Variants in LAMB4 observed in about 807,000 individuals in gnomAD.
LAMB4 encodes the protein laminin subunit beta 4, also known as laminin subunit beta-4.
Under a neutral mutation model 199.2 loss-of-function variants are expected in LAMB4, and 196 were observed. The ratio of observed to expected loss-of-function variants is 0.98; its 90% confidence interval spans 0.88 to 1.11. The LOEUF (loss-of-function observed/expected upper bound fraction) is 1.11, where lower values mean the gene tolerates loss of function less well. Among genes scored for constraint, LAMB4 ranks in the 50% least tolerant of loss-of-function variants. LAMB4 has a pLI of 0.00. For synonymous variants in LAMB4, 744 were observed against 770.6 expected, an observed-to-expected ratio of 0.97 and a Z score of 0.57; for missense variants, 2,080 against 2,171.2, an observed-to-expected ratio of 0.96 and a Z score of 0.83.
At chr7:108,123,518 A>T (rs1186830348) in intron 1 of LAMB4, among the ~76,000 whole-genome samples, 1 of 152,220 alleles carries the variant, frequency 6.6e-6, no homozygotes, top group African/African-American at 2.4e-5. Flanking sequence ...TTCTTCTAAA[A>T]ATTACACAGT....
At chr7:108,091,507 A>G (rs2037399817) in intron 14 of LAMB4, 119 bp downstream of exon 14, 1 of 1,150,720 alleles carries the variant, frequency 8.7e-7, no homozygotes, top group Non-Finnish European at 1.2e-6. Flanking sequence ...TCTGATCTGC[A>G]TCTTTGGGCA....
chr7:108,038,414 C>CAG (rs2035304652), intron 29 of LAMB4, among the ~76,000 whole-genome samples: 3 of 152,178 alleles, frequency 2.0e-5, no homozygotes, highest in Non-Finnish European at 2.9e-5. Context: ...ACCCACCTTG[C>CAG]CCTCCCAAAG....
rs555384025 is a variant in LAMB4 at position 108,044,936 on chromosome 7, C to G, written c.4327-1040G>C. On this transcript the variant is annotated intron_variant, in intron 28 of 33. Transcript: ENST00000388781. ...CCATTACACTCCAGCCTGGGCCAGA[C>G]AGAGTGAGATTCTTGTCTCAAAAAA... Among the ~76,000 whole-genome samples, 8 of 111,242 alleles carry G rather than the reference C, an allele frequency of 7.2e-5. No homozygotes were observed. The South Asian group carries it at 2.2e-3, about 31-fold the overall frequency. The allele number at this position is 111,242 out of a possible 152,430, so 73.0% of individuals were successfully genotyped here. A position where few individuals can be genotyped will look rare whatever the true frequency, so the allele number is the denominator to read the frequency against.
chr7:108,105,731 C>T, intron 8 of LAMB4, 86 bp downstream of exon 8: 1 of 1,156,394 alleles, frequency 8.6e-7, no homozygotes, highest in Non-Finnish European at 1.3e-6. Flanking sequence ...TGTTGATCTC[C>T]ATGTGGAGTG....
At chr7:108,087,410 T>G (rs945261703) in intron 14 of LAMB4, among the ~76,000 whole-genome samples, 27 of 152,208 alleles carry the variant, frequency 1.8e-4, no homozygotes, top group African/African-American at 6.3e-4. Context: ...TCCAACATAC[T>G]CATTTGTGCA....
At chr7:108,041,096 G>C (rs1253024755) in intron 29 of LAMB4, among the ~76,000 whole-genome samples, 1 of 152,124 alleles carries the variant, frequency 6.6e-6, no homozygotes, top group Non-Finnish European at 1.5e-5. Context: ...GACATAAACA[G>C]ATACTTTTCA....
chr7:108,049,806 G>A (rs986196416), intron 26 of LAMB4, among the ~76,000 whole-genome samples: 2 of 152,168 alleles, frequency 1.3e-5, no homozygotes, highest in African/African-American at 2.4e-5. Flanking sequence ...ATACCCTTGA[G>A]CAAATCAGTT....
At position 108,063,886 on chromosome 7, in the gene LAMB4, G is replaced by T; in HGVS notation, c.2936C>A (p.Thr979Asn). 3 of 1,614,198 alleles carry T rather than the reference G, an allele frequency of 1.9e-6. No homozygotes were observed. The highest frequency in any genetic ancestry group is 2.5e-6 in the Non-Finnish European group (3 of 1,180,028). ...PCACNNNIDVTDPESCSRVTG... is the reference protein window; with the variant it reads ...PCACNNNIDVNDPESCSRVTG... ...TACCCGGCTGCAGGACTCTGGATCG[G>T]TTACATCTATGTTGTTGTTGCAGGC... Residue 979 changes from threonine (T) to asparagine (N), a missense_variant, in exon 22 of 34, where the codon ACC (threonine) becomes AAC (asparagine). Physicochemically the swap from Thr to Asn is moderately conservative, Grantham distance 65 (BLOSUM62 0). Transcript: ENST00000388781.
intron 4 of LAMB4, among the ~76,000 whole-genome samples, chr7:108,110,266 T>C (rs1215573614): frequency 6.6e-6 from 1 of 152,224 alleles, no homozygotes; most frequent in Non-Finnish European, 1.5e-5. Flanking sequence ...TGAGCTCAAG[T>C]GATCTGCCTA....
intron 12 of LAMB4, among the ~76,000 whole-genome samples, chr7:108,094,902 C>T (rs2150622531): frequency 6.6e-6 from 1 of 151,994 alleles, no homozygotes; most frequent in African/African-American, 2.4e-5. Flanking sequence ...TTCTGGTGGC[C>T]CAAAACATAG....
At chr7:108,025,408 T>TCTTTCTTTC (rs2034801675) in intron 33 of LAMB4, among the ~76,000 whole-genome samples, 1 of 128,282 alleles carries the variant, frequency 7.8e-6, no homozygotes, top group African/African-American at 4.5e-5. Context: ...TTTCTTTCTT[T>TCTTTCTTTC]CTTTCTTTCT....
At chr7:108,055,402 G>C (rs547095740) in intron 25 of LAMB4, among the ~76,000 whole-genome samples, 81 of 152,244 alleles carry the variant, frequency 5.3e-4, no homozygotes, top group Non-Finnish European at 1.1e-3. Flanking sequence ...GGCCAGGCTG[G>C]TGTAGAACTC....
At chr7:108,023,517 G>A (rs2034735397), downstream of LAMB4, 1 of 152,208 alleles carries the variant, frequency 6.6e-6, no homozygotes, top group African/African-American at 2.4e-5. Flanking sequence ...GGCTGAGAAT[G>A]ACCATGTAGG....
intron 31 of LAMB4, among the ~76,000 whole-genome samples, chr7:108,033,400 T>C (rs2035108838): frequency 6.6e-6 from 1 of 152,140 alleles, no homozygotes; most frequent in Non-Finnish European, 1.5e-5. Flanking sequence ...TACTTCTTGT[T>C]CTGTTGCTTT....
At chr7:108,117,041 G>T (rs1368398999) in intron 2 of LAMB4, among the ~76,000 whole-genome samples, 2 of 152,118 alleles carry the variant, frequency 1.3e-5, no homozygotes, top group Non-Finnish European at 2.9e-5. Context: ...TATCTCAAAA[G>T]CAACACCAAA....
rs768552138 is a variant in LAMB4 at position 108,077,038 on chromosome 7, C to G, written c.2030G>C (p.Cys677Ser). The change falls in exon 17 of 34, where the codon TGT (cysteine) becomes TCT (serine). Residue 677 changes from cysteine to serine, a missense_variant. By Grantham distance (112) the Cys-to-Ser change is moderately radical. Transcript: ENST00000388781. ...TRIMLLPTPI[C>S]LEPDVQYSID... Reference sequence around the variant, plus strand: ...GGAATATTGTACATCTGGTTCTAAACAGATGGGTGTGGGAAGCAGCATGAT... The same window carrying G: ...GGAATATTGTACATCTGGTTCTAAAGAGATGGGTGTGGGAAGCAGCATGAT... 53 of 1,613,850 alleles carry G rather than the reference C, an allele frequency of 3.3e-5. No homozygotes were observed. Among genetic ancestry groups the G allele is most frequent in the Non-Finnish European group, 4.3e-5 (51 of 1,179,896 alleles).
chr7:108,128,819 G>A (rs2038883893), intron 1 of LAMB4, among the ~76,000 whole-genome samples: 2 of 152,142 alleles, frequency 1.3e-5, no homozygotes, highest in Admixed American at 1.3e-4. Flanking sequence ...GGGCTACATG[G>A]CACTCTTTTC....
chr7:108,104,218 T>A (rs2037918030), intron 9 of LAMB4, among the ~76,000 whole-genome samples: 1 of 152,206 alleles, frequency 6.6e-6, no homozygotes, highest in African/African-American at 2.4e-5. Context: ...TCCCCACTGA[T>A]ATTGCCATTA....
chr7:108,126,647 C>A (rs2038796709), intron 1 of LAMB4, among the ~76,000 whole-genome samples: 1 of 137,480 alleles, frequency 7.3e-6, no homozygotes, highest in Admixed American at 8.2e-5. Flanking sequence ...TCACTGCAAG[C>A]TCCGCTTCCC....
Sources: allele counts gnomAD v4.1 joint callset (sites outside exome capture counted in the v4.1 genomes callset), GRCh38; gene constraint gnomAD v4.1.1; transcripts MANE v1.5; gene names NCBI Gene and HGNC (gene_info 2026-07-23, HGNC 2026-07-21).